Variants in HIVEP1 observed in about 807,000 individuals in gnomAD.
The protein encoded by HIVEP1 is HIVEP zinc finger 1.
Under a neutral mutation model 180.0 loss-of-function variants are expected in HIVEP1, and 36 were observed. That is an observed-to-expected ratio of 0.20 (90% CI 0.15 to 0.26). The LOEUF (loss-of-function observed/expected upper bound fraction) is 0.26, where lower values mean the gene tolerates loss of function less well. HIVEP1 is among the 10% of genes least tolerant of loss of function. The probability of loss-of-function intolerance (pLI) is 1.00; values close to 1 mark genes in which losing one functional copy is unlikely to be tolerated. For synonymous variants in HIVEP1, 1,239 were observed against 1,239.0 expected (o/e 1.00, Z 0.00); for missense variants, 3,143 against 3,268.7 (o/e 0.96, Z 0.94).
At chr6:12,142,780 C>G (rs1401612292) in intron 7 of HIVEP1, among the ~76,000 whole-genome samples, 3 of 152,166 alleles carry the variant, frequency 2.0e-5, no homozygotes, top group Non-Finnish European at 4.4e-5. Flanking sequence ...ACTAGAAAAT[C>G]TAGAAGAAAT....
rs1383380399 is a variant in HIVEP1 at position 12,050,382 on chromosome 6, G to A, written c.40+34714G>A. Among the ~76,000 whole-genome samples the A allele has an allele frequency of 3.3e-5, 5 of 152,240 alleles. 1 individual carries two copies. The highest frequency in any genetic ancestry group is 4.1e-4 in the South Asian group (2 of 4,820). On this transcript the variant is annotated intron_variant, in intron 2 of 8. Transcript: ENST00000379388. ...GGGCGGATCATGAGGTCAGGAGATC[G>A]AGACCATCCTGGCTAACACGGTGAA...
At chr6:12,106,960 C>G (rs1774467456) in intron 3 of HIVEP1, among the ~76,000 whole-genome samples, 1 of 152,158 alleles carries the variant, frequency 6.6e-6, no homozygotes, top group African/African-American at 2.4e-5. Context: ...TGATAACTTT[C>G]TAAATATTTG....
downstream of HIVEP1, among the ~76,000 whole-genome samples, chr6:12,169,413 T>C (rs887682976): frequency 6.6e-6 from 1 of 152,186 alleles, no homozygotes; most frequent in African/African-American, 2.4e-5. Flanking sequence ...GTGTTCACTG[T>C]CTTCTGAATC....
chr6:12,193,704 G>A, the HIVEP1 span, among the ~76,000 whole-genome samples: 3 of 152,136 alleles, frequency 2.0e-5, no homozygotes, highest in Admixed American at 6.5e-5. Context: ...CAGATGAAAA[G>A]CAATGGAAAG....
intron 2 of HIVEP1, among the ~76,000 whole-genome samples, chr6:12,025,234 T>C (rs963422419): frequency 2.6e-5 from 4 of 152,216 alleles, no homozygotes; most frequent in Non-Finnish European, 4.4e-5. Context: ...AGTTTAGAAA[T>C]GCTCTCCATC....
chr6:12,175,225 CT>C, the HIVEP1 span, among the ~76,000 whole-genome samples: 2 of 152,172 alleles, frequency 1.3e-5, no homozygotes, highest in East Asian at 3.9e-4. Flanking sequence ...TTAAATAGTG[CT>C]GGTGTTTTCT....
chr6:12,088,222 G>C (rs1773228993), intron 2 of HIVEP1, among the ~76,000 whole-genome samples: 1 of 151,946 alleles, frequency 6.6e-6, no homozygotes, highest in Admixed American at 6.6e-5. Context: ...GCAGCGGTAG[G>C]GTCAGCATTG....
intron 3 of HIVEP1, among the ~76,000 whole-genome samples, chr6:12,117,612 G>C (rs552045021): frequency 2.0e-5 from 3 of 152,160 alleles, no homozygotes; most frequent in Admixed American, 2.0e-4. Flanking sequence ...ATTTAATTTT[G>C]AATAACATAA....
At chr6:12,017,535 G>A (rs372993970) in intron 2 of HIVEP1, among the ~76,000 whole-genome samples, 3 of 151,710 alleles carry the variant, frequency 2.0e-5, no homozygotes, top group African/African-American at 7.3e-5. Context: ...CCAAGCAGTT[G>A]CAACTGCTGC....
chr6:12,070,681 C>T (rs76391229), intron 2 of HIVEP1, among the ~76,000 whole-genome samples: 3,936 of 152,244 alleles, frequency 0.026, 183 homozygotes, highest in African/African-American at 0.09. Context: ...TCTAAAAAGT[C>T]ACTATCCATA....
In HIVEP1 at chr6:12,120,018, C is replaced by T. The variant is rs746098317; in HGVS notation, c.223C>T (p.His75Tyr). ...ACTGAGAAATCCTCTTCAGGCAAAA[C>T]ATAAACAAAATACAGAAGAGTCATC... ...SPLRNPLQAK[H>Y]KQNTEESSFA... Residue 75 changes from histidine (H) to tyrosine (Y), a missense_variant, in exon 4 of 9, where the codon CAT (histidine) becomes TAT (tyrosine). Around this residue, in one of 12 missense-constraint regions of HIVEP1, gnomAD observed 114 missense variants for 134.5 expected, o/e 0.85. Coordinates refer to ENST00000379388, the MANE Select transcript of HIVEP1 (RefSeq NM_002114.4). The T allele has an allele frequency of 1.9e-6, 3 of 1,612,836 alleles. No homozygotes were observed. In the Admixed American group the frequency reaches 5.0e-5, roughly 27 times the overall value.
In HIVEP1 at chr6:12,130,873, C is replaced by T; in HGVS notation, c.6316C>T (p.His2106Tyr). Residue 2106 changes from histidine (H) to tyrosine (Y), a missense_variant, in exon 6 of 9, where the codon CAC (histidine) becomes TAC (tyrosine). By Grantham distance (83) the His-to-Tyr change is moderately conservative (BLOSUM62 2). Coordinates refer to ENST00000379388, the MANE Select transcript of HIVEP1 (RefSeq NM_002114.4). ...TAAGAAACCTAGCATGTTAAAGAAACACATACGAACCCATACAGATGTCCG... is the reference window on the plus strand; with the variant it reads ...TAAGAAACCTAGCATGTTAAAGAAATACATACGAACCCATACAGATGTCCG... ...RCKKPSMLKK[H>Y]IRTHTDVRPY... 6.2e-7 allele frequency: 1 copy of T among 1,613,208 alleles called. No individual in the cohort carries two copies.
intron 2 of HIVEP1, among the ~76,000 whole-genome samples, chr6:12,068,811 T>G (rs1771774801): frequency 6.6e-6 from 1 of 152,172 alleles, no homozygotes; most frequent in South Asian, 2.1e-4. Context: ...TTTAAATGAG[T>G]AAATAATATA....
At chr6:12,014,481 G>A (rs1767609735) in intron 1 of HIVEP1, among the ~76,000 whole-genome samples, 1 of 152,210 alleles carries the variant, frequency 6.6e-6, no homozygotes, top group Non-Finnish European at 1.5e-5. Flanking sequence ...GTGCTCATAA[G>A]TGTTCTCTTG....
At chr6:12,162,628 C>T (rs1760479238) in intron 8 of HIVEP1, among the ~76,000 whole-genome samples, 1 of 152,180 alleles carries the variant, frequency 6.6e-6, no homozygotes, top group South Asian at 2.1e-4. Context: ...AGTTCTCTTA[C>T]CTCTAGTATG....
At chr6:12,109,293 G>A (rs1485119018) in intron 3 of HIVEP1, among the ~76,000 whole-genome samples, 1 of 152,150 alleles carries the variant, frequency 6.6e-6, no homozygotes, top group Non-Finnish European at 1.5e-5. Context: ...GGGCCCGGCC[G>A]CCATTTCTTA....
intron 4 of HIVEP1, among the ~76,000 whole-genome samples, chr6:12,129,133 C>T (rs1758267694): frequency 6.6e-6 from 1 of 152,028 alleles, no homozygotes. Context: ...CCTCTTGAGC[C>T]CAGGAGTTTG....
rs145995464 is a variant in HIVEP1, at chr6:12,032,287, C to T, written c.40+16619C>T. Among the ~76,000 whole-genome samples, 86 of 151,878 alleles carry T rather than the reference C, an allele frequency of 5.7e-4. 1 individual carries two copies. The highest frequency in any genetic ancestry group is 1.6e-3 in the African/African-American group (67 of 41,400). On this transcript the variant is annotated intron_variant, in intron 2 of 8. Coordinates refer to ENST00000379388, the MANE Select transcript of HIVEP1 (RefSeq NM_002114.4). Reference sequence around the variant, plus strand: ...TCCCAAGTAGCTGCGACTACAAGAGCGCCACCATGCCCGGCTAATTTTTTG... The same window carrying T: ...TCCCAAGTAGCTGCGACTACAAGAGTGCCACCATGCCCGGCTAATTTTTTG...
the HIVEP1 span, among the ~76,000 whole-genome samples, chr6:12,188,762 AATTTTC>A: frequency 6.6e-6 from 1 of 152,076 alleles, no homozygotes. Flanking sequence ...TGTAAAGTTC[AATTTTC>A]TTAAAATTAA....
Sources: allele counts gnomAD v4.1 joint callset (sites outside exome capture counted in the v4.1 genomes callset), GRCh38; gene constraint gnomAD v4.1.1; regional missense constraint gnomAD v4.1.1; transcripts MANE v1.5; gene names NCBI Gene and HGNC (gene_info 2026-07-23, HGNC 2026-07-21).